Variants in RYR3 observed in about 807,000 individuals in gnomAD.
The protein encoded by RYR3 is ryanodine receptor 3, also known as brain ryanodine receptor-calcium release channel.
Under a neutral mutation model 584.3 loss-of-function variants are expected in RYR3, and 207 were observed. The observed-to-expected ratio is 0.35, with a 90% CI of 0.32 to 0.40. The LOEUF (loss-of-function observed/expected upper bound fraction) is 0.40, where lower values mean the gene tolerates loss of function less well. RYR3 is among the 10% of genes least tolerant of loss of function. The pLI is 1.00. For synonymous variants in RYR3, 2,416 were observed against 2,248.5 expected (o/e 1.07, Z -2.11); for missense variants, 5,616 against 6,089.2 (o/e 0.92, Z 2.59).
chr15:33,865,454 G>GAATC lies in RYR3; in HGVS notation c.*231_*234dup. The stretch of plus-strand genomic sequence containing the variant: ...CAAAATGTCGAAGAAGGAAGGCGAA[G>GAATC]AATCAAGTAATCTCTAGGCAAATGC... On this transcript the variant is annotated 3_prime_UTR_variant, in exon 104 of 104. Transcript: ENST00000634891. The GAATC allele has an allele frequency of 2.1e-6, 1 of 485,162 alleles. No homozygotes were observed. The highest frequency in any genetic ancestry group is 3.7e-5 in the Admixed American group (1 of 26,970). 30.1% of individuals were successfully genotyped at this position (485,162 alleles called of 1,614,324 possible). A position where few individuals can be genotyped will look rare whatever the true frequency, so the allele number is the denominator to read the frequency against.
chr15:33,616,797 A>G (rs575570419), intron 19 of RYR3, among the ~76,000 whole-genome samples: 3 of 152,320 alleles, frequency 2.0e-5, no homozygotes, highest in Non-Finnish European at 2.9e-5. Flanking sequence ...GTCTCACAGC[A>G]TGTTGTGATT....
At position 33,853,741 on chromosome 15, in the gene RYR3, T is replaced by G. The variant is rs139426121; in HGVS notation, c.13799+59T>G. On this transcript the variant is annotated intron_variant, in intron 96 of 103. Coordinates refer to ENST00000634891, the MANE Select transcript of RYR3 (RefSeq NM_001036.6). ...GCTAAAATAGATAGATCTTTGCTTT[T>G]CCATAGGAAAAAATCACAACCGTGT... 4 of 1,566,590 alleles carry G rather than the reference T, an allele frequency of 2.6e-6. No individual in the cohort carries two copies. The African/African-American group carries it at 5.5e-5, about 21-fold the overall frequency.
chr15:33,587,231 T>G (rs1296396141), intron 16 of RYR3, among the ~76,000 whole-genome samples: 1 of 152,214 alleles, frequency 6.6e-6, no homozygotes, highest in African/African-American at 2.4e-5. Flanking sequence ...AAGCTTCCGC[T>G]TCAGTCCAGA....
At chr15:33,864,606 G>GAGTGA (rs1889805881) in intron 103 of RYR3, among the ~76,000 whole-genome samples, 1 of 151,538 alleles carries the variant, frequency 6.6e-6, no homozygotes, top group Non-Finnish European at 1.5e-5. Flanking sequence ...GTGAGAGGAT[G>GAGTGA]AGTGAAAGGA....
chr15:33,616,799 G>A (rs2060474304), intron 19 of RYR3, among the ~76,000 whole-genome samples: 1 of 152,192 alleles, frequency 6.6e-6, no homozygotes. Context: ...CTCACAGCAT[G>A]TTGTGATTTG....
intron 1 of RYR3, among the ~76,000 whole-genome samples, chr15:33,369,949 C>T (rs773545311): frequency 6.6e-6 from 1 of 152,184 alleles, no homozygotes; most frequent in Admixed American, 6.5e-5. Flanking sequence ...CATCCCATAC[C>T]TAATATAATG....
chr15:33,785,623 C>G (rs1263924227), intron 65 of RYR3, 39 bp from the exon 66 acceptor site: 2 of 1,488,424 alleles, frequency 1.3e-6, no homozygotes, highest in Non-Finnish European at 1.8e-6. Flanking sequence ...ACCCACTGTG[C>G]TTTTGAATTT....
Position 33,834,327 on chromosome 15 carries a change from G to GCACACACACAC in RYR3, c.11464-641_11464-640insCACACACACAC, listed in dbSNP as rs1567276035. Among the ~76,000 whole-genome samples the GCACACACACAC allele has an allele frequency of 3.4e-3, 381 of 112,662 alleles. 3 individuals are homozygous for GCACACACACAC. The highest frequency in any genetic ancestry group is 0.011 in the African/African-American group (340 of 32,240). The allele number at this position is 112,662 out of a possible 152,430, so 73.9% of individuals were successfully genotyped here. On this transcript the variant is annotated intron_variant, in intron 86 of 103. Coordinates refer to ENST00000634891, the MANE Select transcript of RYR3 (RefSeq NM_001036.6). Reference sequence around the variant, plus strand: ...ACACACACACACACACACACACAGTGAGATTAACATGGAAAATGCAAACTA... The same window carrying GCACACACACAC: ...ACACACACACACACACACACACAGTGCACACACACACAGATTAACATGGAAAATGCAAACTA...
intron 80 of RYR3, 55 bp downstream of exon 80, chr15:33,821,657 C>T: frequency 6.5e-7 from 1 of 1,530,366 alleles, no homozygotes; most frequent in Non-Finnish European, 9.0e-7. Context: ...CATTTGACAC[C>T]TGTCATGCTT....
At chr15:33,621,494 C>T (rs2060723454) in intron 19 of RYR3, among the ~76,000 whole-genome samples, 1 of 152,136 alleles carries the variant, frequency 6.6e-6, no homozygotes. Flanking sequence ...TCCTGAGGTT[C>T]ACTAAATTAG....
intron 38 of RYR3, among the ~76,000 whole-genome samples, chr15:33,678,933 A>G (rs1162650752): frequency 6.6e-6 from 1 of 152,198 alleles, no homozygotes; most frequent in Non-Finnish European, 1.5e-5. Context: ...TGAGGCCAAA[A>G]TGGTACCTAC....
intron 1 of RYR3, among the ~76,000 whole-genome samples, chr15:33,370,995 T>C (rs1277665219): frequency 6.6e-6 from 1 of 152,228 alleles, no homozygotes; most frequent in Non-Finnish European, 1.5e-5. Context: ...GAACAACAGT[T>C]TCTGGCACAA....
Position 33,486,121 on chromosome 15 carries a change from A to T in RYR3, c.171+12583A>T, listed in dbSNP as rs577130452. 1.3e-3 allele frequency among the ~76,000 whole-genome samples: 204 copies of T among 152,330 alleles called. 1 individual carries two copies. The highest frequency in any genetic ancestry group is 4.1e-3 in the Admixed American group (62 of 15,300). On this transcript the variant is annotated intron_variant, in intron 2 of 103. Coordinates refer to ENST00000634891, the MANE Select transcript of RYR3 (RefSeq NM_001036.6). Reference sequence around the variant, plus strand: ...GAAGATCGTTGATAAAGAGGAAGCCAAATAACTGAGGAGTTGTAAGATGGA... The same window carrying T: ...GAAGATCGTTGATAAAGAGGAAGCCTAATAACTGAGGAGTTGTAAGATGGA...
intron 45 of RYR3, among the ~76,000 whole-genome samples, chr15:33,725,154 TACACACACACAC>T (rs58951939): frequency 0.025 from 2,814 of 113,858 alleles, 37 homozygotes; most frequent in Middle Eastern, 0.11. Flanking sequence ...TCCAACACCT[TACACACACACAC>T]ACACACACAC....
At chr15:33,675,629 T>G (rs1195530126) in intron 38 of RYR3, among the ~76,000 whole-genome samples, 3 of 152,214 alleles carry the variant, frequency 2.0e-5, no homozygotes, top group Non-Finnish European at 4.4e-5. Flanking sequence ...AGTTTTCTCA[T>G]CTATAAAATG....
At chr15:33,696,619 C>T (rs879524149) in intron 39 of RYR3, 128 bp downstream of exon 39, 4 of 1,004,684 alleles carry the variant, frequency 4.0e-6, no homozygotes, top group Non-Finnish European at 4.3e-6. Flanking sequence ...TCCAATTTCA[C>T]TCCTCATGGA....
At chr15:33,547,469 A>G (rs987563052) in intron 8 of RYR3, among the ~76,000 whole-genome samples, 1 of 152,214 alleles carries the variant, frequency 6.6e-6, no homozygotes, top group Non-Finnish European at 1.5e-5. Flanking sequence ...ATAGGATGAT[A>G]ACATTGGGAG....
At chr15:33,677,194 C>T (rs1056025815) in intron 38 of RYR3, among the ~76,000 whole-genome samples, 5 of 152,146 alleles carry the variant, frequency 3.3e-5, no homozygotes, top group East Asian at 1.9e-4. Flanking sequence ...TCCAGAGCAC[C>T]GGGCAGGGAT....
At chr15:33,639,594 G>C (rs2061685386) in intron 27 of RYR3, among the ~76,000 whole-genome samples, 3 of 152,166 alleles carry the variant, frequency 2.0e-5, no homozygotes. Context: ...CGACGTGCTT[G>C]TGTTCTTCTG....
Sources: gnomAD v4.1 joint callset for allele counts (sites outside exome capture counted in the v4.1 genomes callset) on GRCh38, gnomAD v4.1.1 for gene constraint, MANE v1.5 for transcripts, NCBI Gene and HGNC (gene_info 2026-07-23, HGNC 2026-07-21) for gene names.